The following NEK6 variants were observed in gnomAD, a reference collection of about 807,000 sequenced individuals.
The protein encoded by NEK6 is NIMA related kinase 6.
NEK6 carries 27 observed loss-of-function variants against 43.5 expected under a neutral mutation model. The ratio of observed to expected loss-of-function variants is 0.62; its 90% confidence interval spans 0.46 to 0.86. NEK6 has a LOEUF of 0.86. Ranked by LOEUF, NEK6 falls within the 40% of genes least tolerant of loss-of-function variation. The pLI, the probability that NEK6 is intolerant of heterozygous loss-of-function variation, is 0.00. For missense variants in NEK6, 318 were observed against 414.4 expected, an observed-to-expected ratio of 0.77 and a Z score of 2.02; for synonymous variants, 167 against 164.1, an observed-to-expected ratio of 1.02 and a Z score of -0.14.
intron 1 of NEK6, among the ~76,000 whole-genome samples, chr9:124,287,804 G>A (rs1016824117): frequency 6.6e-6 from 1 of 152,080 alleles, no homozygotes; most frequent in Non-Finnish European, 1.5e-5. Context: ...CAGCCTAGGT[G>A]ACAGAGTGAC....
At position 124,343,323 on chromosome 9, in the gene NEK6, G is replaced by A. The variant is rs535000106; in HGVS notation, c.717+3658G>A. On this transcript the variant is annotated intron_variant, in intron 8 of 9. Coordinates refer to ENST00000320246, the MANE Select transcript of NEK6 (RefSeq NM_014397.6). This position sits in a 1 kb window ranked among gnomAD's most constrained non-coding sequence, Gnocchi z 5.1. ...ATCGCAGCGAGGGGTGGTGTGGGGG[G>A]ACAGATCACAGCCAGGGGTGGATAC... Among the ~76,000 whole-genome samples the A allele has an allele frequency of 2.2e-5, 3 of 139,354 alleles. No homozygotes were observed. The highest frequency in any genetic ancestry group is 2.5e-4 in the South Asian group (1 of 3,976). 91.4% of individuals were successfully genotyped at this position (139,354 alleles called of 152,430 possible).
intron 1 of NEK6, among the ~76,000 whole-genome samples, chr9:124,260,048 C>T (rs1288576308): frequency 6.6e-6 from 1 of 152,146 alleles, no homozygotes; most frequent in Non-Finnish European, 1.5e-5. Flanking sequence ...CGTTGGTCTT[C>T]TGTGACAGAA....
In NEK6 at chr9:124,351,481, T is replaced by A. The variant is rs1452266290; in HGVS notation, c.*534T>A. On this transcript the variant is annotated 3_prime_UTR_variant, in exon 10 of 10. Transcript: ENST00000320246. ...GGAGTGGTGATTCTGCTAACATTTT[T>A]ATCTACGTTTTATAACTTGGTGAGT... is the stretch of plus-strand genomic sequence containing the variant. 2.0e-5 allele frequency: 3 copies of A among 152,598 alleles called. No individual in the cohort carries two copies. The highest frequency in any genetic ancestry group is 7.2e-5 in the African/African-American group (3 of 41,472). The allele number at this position is 152,598 out of a possible 1,614,324, so 9.5% of individuals were successfully genotyped here.
At chr9:124,327,675 C>G (rs183261713) in intron 7 of NEK6, among the ~76,000 whole-genome samples, 1 of 152,174 alleles carries the variant, frequency 6.6e-6, no homozygotes, top group African/African-American at 2.4e-5. Flanking sequence ...CCAGCCCTTG[C>G]GGGAGAAGCT....
intron 1 of NEK6, among the ~76,000 whole-genome samples, chr9:124,263,625 G>A (rs1000851468): frequency 6.6e-6 from 1 of 152,112 alleles, no homozygotes; most frequent in African/African-American, 2.4e-5. Context: ...TCACTCAGCC[G>A]GGACCCTTGG....
rs551087583 is a variant in NEK6 at position 124,302,575 on chromosome 9, T to C, written c.90+521T>C. Among the ~76,000 whole-genome samples, 4 of 152,380 alleles carry C rather than the reference T, an allele frequency of 2.6e-5. No individual in the cohort carries two copies. In the South Asian group the frequency reaches 8.3e-4, roughly 32 times the overall value. Reference sequence around the variant, plus strand: ...CTGCCTCTCGCTCTCTCTAGATACCTTGGAGAGCCAGGCAGCCTTCAGCAG... The same window carrying C: ...CTGCCTCTCGCTCTCTCTAGATACCCTGGAGAGCCAGGCAGCCTTCAGCAG... On this transcript the variant is annotated intron_variant, in intron 2 of 9. Coordinates refer to ENST00000320246, the MANE Select transcript of NEK6 (RefSeq NM_014397.6).
At position 124,312,450 on chromosome 9, in the gene NEK6, GT is replaced by G. The variant is rs1833582873; in HGVS notation, c.91-58del. On this transcript the variant is annotated intron_variant, in intron 2 of 9. Transcript: ENST00000320246. ...TTGGGGTGCTGGGCCTCTAGGGGTC[GT>G]CCCCAGGCCTCTGCTGCAGCCTGGC... The G allele has an allele frequency of 2.6e-6, 4 of 1,557,796 alleles. No individual in the cohort carries two copies. The Admixed American group carries it at 7.3e-5, about 29-fold the overall frequency.
intron 1 of NEK6, among the ~76,000 whole-genome samples, chr9:124,283,631 A>G (rs1213906004): frequency 6.6e-6 from 1 of 152,086 alleles, no homozygotes; most frequent in African/African-American, 2.4e-5. Context: ...TGCCCTGTGG[A>G]TCCTACTTCC....
At chr9:124,319,098 C>T (rs7022451) in intron 4 of NEK6, among the ~76,000 whole-genome samples, 4,029 of 152,278 alleles carry the variant, frequency 0.026, 175 homozygotes, top group African/African-American at 0.091. Flanking sequence ...GATTCTCCTG[C>T]CCCAACCTCT....
Position 124,350,698 on chromosome 9 carries a change from C to T in NEK6, c.832-139C>T, listed in dbSNP as rs147124353. The T allele has an allele frequency of 9.5e-4, 669 of 703,746 alleles. 7 individuals carry two copies. In the East Asian group the frequency reaches 0.017, roughly 18 times the overall value. The allele number at this position is 703,746 out of a possible 1,614,324, so 43.6% of individuals were successfully genotyped here. ...CCCCTTACTTGCCCCAGCTAAACAC[C>T]GTTCTTCAGCTCTAACGGGGACAAC... On this transcript the variant is annotated intron_variant, in intron 9 of 9. Transcript: ENST00000320246.
chr9:124,300,818 G>A (rs977079841), intron 1 of NEK6, among the ~76,000 whole-genome samples: 1 of 152,194 alleles, frequency 6.6e-6, no homozygotes, highest in Non-Finnish European at 1.5e-5. Flanking sequence ...CCATTCCTCA[G>A]GACTTCTGGC....
intron 5 of NEK6, among the ~76,000 whole-genome samples, chr9:124,322,998 C>T (rs1834151782): frequency 6.6e-6 from 1 of 151,906 alleles, no homozygotes; most frequent in Non-Finnish European, 1.5e-5. Context: ...CTTAGCTCTT[C>T]CTCTCCCCCG....
intron 7 of NEK6, among the ~76,000 whole-genome samples, chr9:124,329,328 G>C (rs1828843560): frequency 6.6e-6 from 1 of 152,240 alleles, no homozygotes; most frequent in Admixed American, 6.5e-5. Flanking sequence ...CCGTCAGTCA[G>C]CACCGAGCCT....
At chr9:124,304,066 T>C (rs1833132437) in intron 2 of NEK6, among the ~76,000 whole-genome samples, 1 of 152,254 alleles carries the variant, frequency 6.6e-6, no homozygotes. Context: ...TGGGCTGCTC[T>C]GGGCAGCGGC....
In NEK6 at chr9:124,278,450, C is replaced by T. The variant is rs534116990; in HGVS notation, c.-30+20365C>T. Among the ~76,000 whole-genome samples the T allele has an allele frequency of 3.3e-5, 5 of 152,256 alleles. No homozygotes were observed. In the South Asian group the frequency reaches 8.3e-4, roughly 25 times the overall value. On this transcript the variant is annotated intron_variant, in intron 1 of 9. Transcript: ENST00000320246. ...GCTGTTTCCAGGTCTGTCCGGGTGT[C>T]GTTTTCCGTGGAGGAGAAGTTGCTC...
At chr9:124,313,817 G>T in intron 3 of NEK6, 106 bp from the exon 4 acceptor site, 1 of 1,107,874 alleles carries the variant, frequency 9.0e-7, no homozygotes, top group Admixed American at 1.9e-5. Flanking sequence ...GAGTCCCTTG[G>T]TGAGGAGGTG....
intron 4 of NEK6, 41 bp from the exon 5 acceptor site, chr9:124,321,418 C>A: frequency 7.2e-7 from 1 of 1,383,466 alleles, no homozygotes; most frequent in Non-Finnish European, 1.0e-6. Flanking sequence ...TCTGTCCCGT[C>A]TTCACTTGGT....
chr9:124,351,125 G>A lies in NEK6; in HGVS notation c.*178G>A, dbSNP rs773842978. 23 of 567,374 alleles carry A rather than the reference G, an allele frequency of 4.1e-5. No individual in the cohort carries two copies. Among genetic ancestry groups the A allele is most frequent in the Non-Finnish European group, 6.3e-5 (20 of 315,362 alleles). The allele number at this position is 567,374 out of a possible 1,614,324, so 35.1% of individuals were successfully genotyped here. ...AAGGCAGAGCAGCTGAGGGAGGGGCGCTGGCCACATGTCACTGATGGTCAG... is the reference window on the plus strand; with the variant it reads ...AAGGCAGAGCAGCTGAGGGAGGGGCACTGGCCACATGTCACTGATGGTCAG... On this transcript the variant is annotated 3_prime_UTR_variant, in exon 10 of 10. Transcript: ENST00000320246.
At chr9:124,262,098 C>G (rs565232146) in intron 1 of NEK6, among the ~76,000 whole-genome samples, 14 of 151,970 alleles carry the variant, frequency 9.2e-5, no homozygotes, top group African/African-American at 3.4e-4. Flanking sequence ...CCTGGCTGTC[C>G]GTGAAATGGC....
Sources: gnomAD v4.1 joint callset for allele counts (sites outside exome capture counted in the v4.1 genomes callset) on GRCh38, gnomAD v4.1.1 for gene constraint, Gnocchi (gnomAD v3.1) non-coding constraint, MANE v1.5 for transcripts, NCBI Gene and HGNC (gene_info 2026-07-23, HGNC 2026-07-21) for gene names.